The following GOLGA6L10 variants were observed in gnomAD, a reference collection of about 807,000 sequenced individuals.
The protein encoded by GOLGA6L10 is golgin subfamily A member 6-like protein 10.
A neutral mutation model predicts 56.9 loss-of-function variants in GOLGA6L10; 4 were observed. The observed-to-expected ratio is 0.07, with a 90% confidence interval of 0.03 to 0.16. GOLGA6L10 has a LOEUF of 0.16. Ranked by LOEUF, GOLGA6L10 falls within the 10% of genes least tolerant of loss-of-function variation. The pLI is 1.00. For missense variants in GOLGA6L10, 34 were observed against 558.3 expected, an observed-to-expected ratio of 0.06 and a Z score of 9.46; for synonymous variants, 11 against 220.9, an observed-to-expected ratio of 0.05 and a Z score of 8.43.
rs2075637104 is a variant in GOLGA6L10 at position 82,340,553 on chromosome 15, CTCTT to C, written c.*2219_*2222del. The C allele has an allele frequency of 6.9e-6, 1 of 144,616 alleles. No homozygotes were observed. The allele number at this position is 144,616 out of a possible 1,614,324, so 9.0% of individuals were successfully genotyped here. On this transcript the variant is annotated 3_prime_UTR_variant, in exon 9 of 9. Coordinates refer to ENST00000610657, the MANE Select transcript of GOLGA6L10 (RefSeq NM_001164465.3). ...AGTCAAACTCACATTTTAAAATTCT[CTCTT>C]TCTGCTGAACTCTAACCTTCTAATA...
Position 82,342,782 on chromosome 15 carries a change from G to A in GOLGA6L10, c.1563C>T (p.Ile521=). 6.2e-7 allele frequency: 1 copy of A among 1,603,216 alleles called. No individual in the cohort carries two copies. Among genetic ancestry groups the A allele is most frequent in the Non-Finnish European group, 8.5e-7 (1 of 1,179,640 alleles). ...AAENRELNIT[I]I ...TCAATTTCTTGACCCGCTCTTAGAT[G>A]ATGGTGATGTTTAGCTCCCTGTTCT... Residue 521 remains isoleucine, a synonymous_variant, in exon 9 of 9, where the codon ATC becomes ATT. Coordinates refer to ENST00000610657, the MANE Select transcript of GOLGA6L10 (RefSeq NM_001164465.3).
Position 82,340,555 on chromosome 15 carries a change from C to T in GOLGA6L10, c.*2221G>A, listed in dbSNP as rs1225876250. The stretch of plus-strand genomic sequence containing the variant: ...TCAAACTCACATTTTAAAATTCTCT[C>T]TTTCTGCTGAACTCTAACCTTCTAA... On this transcript the variant is annotated 3_prime_UTR_variant, in exon 9 of 9. Transcript: ENST00000610657. The T allele has an allele frequency of 6.6e-6, 1 of 151,270 alleles. No homozygotes were observed. Among genetic ancestry groups the T allele is most frequent in the African/African-American group, 2.4e-5 (1 of 41,388 alleles). 9.4% of individuals were successfully genotyped at this position (151,270 alleles called of 1,614,324 possible). A position where few individuals can be genotyped will look rare whatever the true frequency, so the allele number is the denominator to read the frequency against.
rs2075634677 is a variant in GOLGA6L10 at position 82,340,137 on chromosome 15, AGTC to A, written c.*2636_*2638del. 6.6e-6 allele frequency: 1 copy of A among 151,454 alleles called. No homozygotes were observed. Among genetic ancestry groups the A allele is most frequent in the Non-Finnish European group, 1.5e-5 (1 of 67,668 alleles). 9.4% of individuals were successfully genotyped at this position (151,454 alleles called of 1,614,324 possible). A position where few individuals can be genotyped will look rare whatever the true frequency, so the allele number is the denominator to read the frequency against. On this transcript the variant is annotated 3_prime_UTR_variant, in exon 9 of 9. Coordinates refer to ENST00000610657, the MANE Select transcript of GOLGA6L10 (RefSeq NM_001164465.3). ...GTATAAGAATTCATAAATCGGTAAA[AGTC>A]GTTCTAAGAAAACTTGGCAAATACA...
At chr15:82,347,809 A>G (rs2075696456) in intron 1 of GOLGA6L10, among the ~76,000 whole-genome samples, 180 bp from the exon 2 acceptor site, 1 of 152,204 alleles carries the variant, frequency 6.6e-6, no homozygotes, top group Admixed American at 6.5e-5. Context: ...GAAAAAAAAA[A>G]AAAGAAAGAT....
At position 82,340,347 on chromosome 15, in the gene GOLGA6L10, G is replaced by C. The variant is rs1371353165; in HGVS notation, c.*2429C>G. 1.3e-5 allele frequency: 2 copies of C among 151,332 alleles called. No homozygotes were observed. The highest frequency in any genetic ancestry group is 4.8e-5 in the African/African-American group (2 of 41,324). The allele number at this position is 151,332 out of a possible 1,614,324, so 9.4% of individuals were successfully genotyped here. A position where few individuals can be genotyped will look rare whatever the true frequency, so the allele number is the denominator to read the frequency against. On this transcript the variant is annotated 3_prime_UTR_variant, in exon 9 of 9. Coordinates refer to ENST00000610657, the MANE Select transcript of GOLGA6L10 (RefSeq NM_001164465.3). Reference sequence around the variant, plus strand: ...ATAAAGTTTTAGAGAATCTATTTTGGATAGGGTTGATTTACATTTTCACAT... The same window carrying C: ...ATAAAGTTTTAGAGAATCTATTTTGCATAGGGTTGATTTACATTTTCACAT...
chr15:82,347,932 C>A (rs1359861405), intron 1 of GOLGA6L10, among the ~76,000 whole-genome samples: 1 of 152,118 alleles, frequency 6.6e-6, no homozygotes. Flanking sequence ...TAGAAAAGCA[C>A]ACATTAAGCA....
Position 82,341,090 on chromosome 15 carries a change from AAAGT to A in GOLGA6L10, c.*1682_*1685del, listed in dbSNP as rs1461948918. 2 of 148,640 alleles carry A rather than the reference AAAGT, an allele frequency of 1.3e-5. No individual in the cohort carries two copies. Among genetic ancestry groups the A allele is most frequent in the Non-Finnish European group, 3.0e-5 (2 of 67,238 alleles). The allele number at this position is 148,640 out of a possible 1,614,324, so 9.2% of individuals were successfully genotyped here. A position where few individuals can be genotyped will look rare whatever the true frequency, so the allele number is the denominator to read the frequency against. ...TAGCCCGAGGGTTTAAAATGGAGTT[AAAGT>A]AAGTGTCTTTAAACTGAACTCAAAG... On this transcript the variant is annotated 3_prime_UTR_variant, in exon 9 of 9. Coordinates refer to ENST00000610657, the MANE Select transcript of GOLGA6L10 (RefSeq NM_001164465.3).
chr15:82,340,346 G>C lies in GOLGA6L10; in HGVS notation c.*2430C>G, dbSNP rs1391036818. ...GATAAAGTTTTAGAGAATCTATTTT[G>C]GATAGGGTTGATTTACATTTTCACA... On this transcript the variant is annotated 3_prime_UTR_variant, in exon 9 of 9. Transcript: ENST00000610657. The C allele has an allele frequency of 9.9e-5, 15 of 151,360 alleles. No homozygotes were observed. In the East Asian group the frequency reaches 2.7e-3, roughly 27 times the overall value. 9.4% of individuals were successfully genotyped at this position (151,360 alleles called of 1,614,324 possible). A position where few individuals can be genotyped will look rare whatever the true frequency, so the allele number is the denominator to read the frequency against.
rs1398931425 is a variant in GOLGA6L10 at position 82,345,864 on chromosome 15, C to A, written c.378G>T (p.Glu126Asp). 2 of 1,534,064 alleles carry A rather than the reference C, an allele frequency of 1.3e-6. No individual in the cohort carries two copies. The highest frequency in any genetic ancestry group is 2.8e-5 in the African/African-American group (2 of 71,984). The change falls in exon 5 of 9, where the codon GAG (glutamate) becomes GAT (aspartate). Residue 126 changes from glutamate (E) to aspartate (D), a missense_variant. Coordinates refer to ENST00000610657, the MANE Select transcript of GOLGA6L10 (RefSeq NM_001164465.3). ...TCCCAAGCTTCTGTACCAGATGTAT[C>A]TCATGCTTCTTCTCCTCCTTAGATG... ...VRTSKEEKKH[E>D]IHLVQKLGRS...
chr15:82,342,205 T>A lies in GOLGA6L10; in HGVS notation c.*571A>T, dbSNP rs1220754825. On this transcript the variant is annotated 3_prime_UTR_variant, in exon 9 of 9. Transcript: ENST00000610657. ...AATGTCAGTACTCACAGTGGCATAT[T>A]ACAAAGTAATAGACCGCGCACTTGA... The A allele has an allele frequency of 1.1e-5, 2 of 176,546 alleles. No individual in the cohort carries two copies. Among genetic ancestry groups the A allele is most frequent in the Non-Finnish European group, 2.4e-5 (2 of 83,306 alleles). 10.9% of individuals were successfully genotyped at this position (176,546 alleles called of 1,614,324 possible).
At chr15:82,348,011 A>G (rs1400200615) in intron 1 of GOLGA6L10, among the ~76,000 whole-genome samples, 1 of 152,076 alleles carries the variant, frequency 6.6e-6, no homozygotes. Flanking sequence ...GAAGAAGCGT[A>G]CCAGTACCTC....
At position 82,340,889 on chromosome 15, in the gene GOLGA6L10, C is replaced by T. The variant is rs1316581970; in HGVS notation, c.*1887G>A. The T allele has an allele frequency of 4.6e-5, 7 of 152,350 alleles. No individual in the cohort carries two copies. In the South Asian group the frequency reaches 8.3e-4, roughly 18 times the overall value. The allele number at this position is 152,350 out of a possible 1,614,324, so 9.4% of individuals were successfully genotyped here. ...TGTCAGATTGGTTACAGTTGCTAAA[C>T]GCTATCTGAAGGTCATTCCTAGTCA... On this transcript the variant is annotated 3_prime_UTR_variant, in exon 9 of 9. Coordinates refer to ENST00000610657, the MANE Select transcript of GOLGA6L10 (RefSeq NM_001164465.3).
chr15:82,343,980 G>A (rs1336624559), intron 7 of GOLGA6L10, among the ~76,000 whole-genome samples: 2 of 149,900 alleles, frequency 1.3e-5, no homozygotes, highest in Non-Finnish European at 2.9e-5. Context: ...GACATAAGGA[G>A]CCTCTTATAC....
intron 7 of GOLGA6L10, among the ~76,000 whole-genome samples, chr15:82,343,884 T>A (rs1305737535): frequency 1.4e-5 from 2 of 144,400 alleles, no homozygotes; most frequent in Non-Finnish European, 3.0e-5. Context: ...ATGTTGGCCA[T>A]GTTGGTCTCA....
intron 1 of GOLGA6L10, among the ~76,000 whole-genome samples, chr15:82,348,030 T>G (rs1246102773): frequency 2.0e-5 from 3 of 152,040 alleles, no homozygotes; most frequent in African/African-American, 7.3e-5. Context: ...TCTCACACTT[T>G]CATATCAATG....
At chr15:82,343,858 G>C (rs1427212694) in intron 7 of GOLGA6L10, among the ~76,000 whole-genome samples, 2 of 144,866 alleles carry the variant, frequency 1.4e-5, no homozygotes, top group Non-Finnish European at 3.0e-5. Context: ...AATTTTAGCA[G>C]AGATGAGCTT....
rs1286930774 is a variant in GOLGA6L10 at position 82,340,207 on chromosome 15, C to A, written c.*2569G>T. The A allele has an allele frequency of 6.6e-6, 1 of 151,566 alleles. No homozygotes were observed. Among genetic ancestry groups the A allele is most frequent in the South Asian group, 2.1e-4 (1 of 4,752 alleles). The allele number at this position is 151,566 out of a possible 1,614,324, so 9.4% of individuals were successfully genotyped here. A position where few individuals can be genotyped will look rare whatever the true frequency, so the allele number is the denominator to read the frequency against. ...GGCATTTCTTTCTCTACTTTTCCTT[C>A]CCCTAGATTCTTTGTTTTAAGCTAC... On this transcript the variant is annotated 3_prime_UTR_variant, in exon 9 of 9. Transcript: ENST00000610657.
In GOLGA6L10 at chr15:82,340,248, A is replaced by C; in HGVS notation, c.*2528T>G. On this transcript the variant is annotated 3_prime_UTR_variant, in exon 9 of 9. Coordinates refer to ENST00000610657, the MANE Select transcript of GOLGA6L10 (RefSeq NM_001164465.3). ...TTTAAGCTACAGTATTCGTATTTTAAAATGTTTTAAATTATTTTAAGACAT... is the reference window on the plus strand; with the variant it reads ...TTTAAGCTACAGTATTCGTATTTTACAATGTTTTAAATTATTTTAAGACAT... 6.6e-6 allele frequency: 1 copy of C among 151,498 alleles called. No individual in the cohort carries two copies. Among genetic ancestry groups the C allele is most frequent in the Non-Finnish European group, 1.5e-5 (1 of 67,802 alleles). The allele number at this position is 151,498 out of a possible 1,614,324, so 9.4% of individuals were successfully genotyped here.
Position 82,345,200 on chromosome 15 carries a change from C to T in GOLGA6L10, c.660G>A (p.Glu220=). 6.4e-7 allele frequency: 1 copy of T among 1,558,878 alleles called. No homozygotes were observed. The highest frequency in any genetic ancestry group is 1.1e-5 in the South Asian group (1 of 87,030). Residue 220 remains glutamate, a synonymous_variant, in exon 6 of 9, where the codon GAG becomes GAA. Transcript: ENST00000610657. Reference sequence around the variant, plus strand: ...GCCTCTCCTCCTGTTCACACAGCCTCTCCTCCTGTTCATGTAGCCTCTCCT... The same window carrying T: ...GCCTCTCCTCCTGTTCACACAGCCTTTCCTCCTGTTCATGTAGCCTCTCCT... ...EQEERLHEQE[E]RLCEQEERLR...
Sources: gnomAD v4.1 joint callset for allele counts (sites outside exome capture counted in the v4.1 genomes callset) on GRCh38, gnomAD v4.1.1 for gene constraint, MANE v1.5 for transcripts, NCBI Gene and HGNC (gene_info 2026-07-23, HGNC 2026-07-21) for gene names.